GPC6: variants seen among roughly 807,000 people sequenced by gnomAD.
GPC6 encodes the protein glypican-6.
Under a neutral mutation model 55.2 loss-of-function variants are expected in GPC6, and 14 were observed. The observed-to-expected ratio is 0.25, with a 90% CI of 0.17 to 0.40. The LOEUF (loss-of-function observed/expected upper bound fraction) is 0.40, where lower values mean the gene tolerates loss of function less well. Ranked by LOEUF, GPC6 falls within the 10% of genes least tolerant of loss-of-function variation. The pLI, the probability that GPC6 is intolerant of heterozygous loss-of-function variation, is 1.00. For synonymous variants in GPC6, 278 were observed against 259.6 expected (o/e 1.07, Z -0.68); for missense variants, 641 against 708.5 (o/e 0.90, Z 1.08).
chr13:93,780,402 AT>A (rs1370850119), intron 2 of GPC6, among the ~76,000 whole-genome samples: 1 of 151,906 alleles, frequency 6.6e-6, no homozygotes, highest in Non-Finnish European at 1.5e-5. Flanking sequence ...TTGTGGATTT[AT>A]TTTTTCCAAT....
intron 2 of GPC6, among the ~76,000 whole-genome samples, chr13:93,719,087 A>C (rs762099352): frequency 1.3e-5 from 2 of 152,020 alleles, no homozygotes; most frequent in Non-Finnish European, 2.9e-5. Context: ...GTTCCATATA[A>C]AATTTAAAGT....
intron 4 of GPC6, among the ~76,000 whole-genome samples, chr13:94,106,271 G>A (rs1259192544): frequency 2.0e-5 from 3 of 152,180 alleles, no homozygotes; most frequent in East Asian, 1.9e-4. Context: ...AATGTGTAAG[G>A]TCATGGTCAA....
chr13:93,298,885 C>A (rs1878584397), intron 1 of GPC6, among the ~76,000 whole-genome samples: 1 of 150,782 alleles, frequency 6.6e-6, no homozygotes, highest in South Asian at 2.1e-4. Context: ...ACCACAGTAG[C>A]ACTTTTCTCT....
intron 1 of GPC6, among the ~76,000 whole-genome samples, chr13:93,403,828 A>C (rs1005196906): frequency 2.0e-5 from 3 of 152,106 alleles, no homozygotes; most frequent in Non-Finnish European, 4.4e-5. Context: ...TTACATATTT[A>C]GTTAATTCAA....
At chr13:93,895,234 G>GTATATATATA (rs60375718) in intron 3 of GPC6, among the ~76,000 whole-genome samples, 11 of 108,206 alleles carry the variant, frequency 1.0e-4, no homozygotes, top group South Asian at 3.2e-4. Context: ...GTGTGTGTGT[G>GTATATATATA]TATATATATA....
intron 3 of GPC6, among the ~76,000 whole-genome samples, chr13:93,947,865 A>G (rs1199429690): frequency 6.6e-6 from 1 of 152,170 alleles, no homozygotes; most frequent in Admixed American, 6.5e-5. Context: ...TTGTTTCAGC[A>G]GAAAATATAG....
intron 4 of GPC6, among the ~76,000 whole-genome samples, chr13:94,056,364 A>T (rs1262299932): frequency 1.3e-5 from 2 of 152,184 alleles, no homozygotes; most frequent in African/African-American, 4.8e-5. Context: ...AGTCCTATAA[A>T]CTATATTAGT....
At chr13:93,428,393 TC>T (rs1877231707) in intron 1 of GPC6, among the ~76,000 whole-genome samples, 1 of 152,122 alleles carries the variant, frequency 6.6e-6, no homozygotes, top group Non-Finnish European at 1.5e-5. Context: ...GCAATCCACC[TC>T]CTGCTGTTAC....
chr13:94,317,524 T>C (rs973315604), intron 6 of GPC6, among the ~76,000 whole-genome samples: 4 of 152,196 alleles, frequency 2.6e-5, no homozygotes, highest in African/African-American at 7.2e-5. Context: ...GTGCAAGACA[T>C]GTCTGCACAA....
chr13:93,422,956 G>A (rs1876978397), intron 1 of GPC6, among the ~76,000 whole-genome samples: 1 of 152,122 alleles, frequency 6.6e-6, no homozygotes, highest in South Asian at 2.1e-4. Context: ...ATAAATTTGT[G>A]CTGAAAAGGA....
intron 4 of GPC6, among the ~76,000 whole-genome samples, chr13:94,129,395 C>T (rs1487985405): frequency 1.3e-5 from 2 of 152,082 alleles, no homozygotes; most frequent in African/African-American, 4.8e-5. Flanking sequence ...ATCAAAGGGA[C>T]TTATGGAAGA....
chr13:94,151,092 T>C (rs925586261), intron 4 of GPC6, among the ~76,000 whole-genome samples: 1 of 152,008 alleles, frequency 6.6e-6, no homozygotes, highest in Non-Finnish European at 1.5e-5. Context: ...CACATAGTTA[T>C]AGATAAGTCA....
chr13:93,825,116 A>C (rs1420489854), intron 2 of GPC6, among the ~76,000 whole-genome samples: 1 of 152,150 alleles, frequency 6.6e-6, no homozygotes, highest in African/African-American at 2.4e-5. Context: ...GGAATCTATC[A>C]GTAGAAGGGT....
chr13:94,040,036 T>G (rs1053443411), intron 4 of GPC6, among the ~76,000 whole-genome samples: 2 of 151,888 alleles, frequency 1.3e-5, no homozygotes, highest in Non-Finnish European at 2.9e-5. Flanking sequence ...ATAATTATAT[T>G]TATCATACAT....
intron 1 of GPC6, among the ~76,000 whole-genome samples, chr13:93,364,418 C>T (rs1881164431): frequency 2.0e-5 from 3 of 151,976 alleles, no homozygotes; most frequent in East Asian, 1.9e-4. Context: ...TAAAACACTA[C>T]AGCAACGTTA....
At chr13:94,005,739 A>T (rs1240650161) in intron 3 of GPC6, among the ~76,000 whole-genome samples, 1 of 152,144 alleles carries the variant, frequency 6.6e-6, no homozygotes, top group Non-Finnish European at 1.5e-5. Context: ...AGAATATTAA[A>T]CATGTTTATT....
At chr13:94,357,782 A>G (rs1448837984) in intron 6 of GPC6, among the ~76,000 whole-genome samples, 9 of 152,214 alleles carry the variant, frequency 5.9e-5, no homozygotes, top group African/African-American at 1.9e-4. Flanking sequence ...TACATACTCT[A>G]CACTCAGCTT....
At chr13:93,474,253 C>T (rs1879226389) in intron 1 of GPC6, among the ~76,000 whole-genome samples, 1 of 152,132 alleles carries the variant, frequency 6.6e-6, no homozygotes, top group African/African-American at 2.4e-5. Flanking sequence ...TTGTGTGTAC[C>T]TTCCAGGGTC....
chr13:93,859,710 A>G (rs1356016030), intron 3 of GPC6, among the ~76,000 whole-genome samples: 1 of 151,524 alleles, frequency 6.6e-6, no homozygotes, highest in Non-Finnish European at 1.5e-5. Context: ...TAAGCATTTT[A>G]TGTGCATTTT....
Sources: allele counts gnomAD v4.1 joint callset (sites outside exome capture counted in the v4.1 genomes callset), GRCh38; gene constraint gnomAD v4.1.1; transcripts MANE v1.5; gene names NCBI Gene and HGNC (gene_info 2026-07-23, HGNC 2026-07-21).